Variants in NUP93 observed in about 807,000 individuals in gnomAD.
NUP93 encodes nucleoporin 93.
A neutral mutation model predicts 107.8 loss-of-function variants in NUP93; 55 were observed. That is an observed-to-expected ratio of 0.51 (90% CI 0.41 to 0.64). NUP93 has a LOEUF of 0.64. Among genes scored for constraint, NUP93 ranks in the 30% least tolerant of loss-of-function variants. NUP93 has a pLI of 0.00. For synonymous variants in NUP93, 390 were observed against 397.5 expected (o/e 0.98, Z 0.22); for missense variants, 937 against 1,044.7 (o/e 0.90, Z 1.42).
rs1338900633 is a variant in NUP93, at chr16:56,833,255, C to T, written c.1386C>T (p.Tyr462=). 2 of 1,606,360 alleles carry T rather than the reference C, an allele frequency of 1.2e-6. No individual in the cohort carries two copies. ...HFTVNQQPFL[Y]FQVLFLTAQF... ...CGGTGAACCAGCAACCCTTCCTCTACTTCCAAGTCCTGTTCCTGACAGCGC... is the reference window on the plus strand; with the variant it reads ...CGGTGAACCAGCAACCCTTCCTCTATTTCCAAGTCCTGTTCCTGACAGCGC... Residue 462 remains tyrosine (Y), a synonymous_variant, in exon 13 of 22, where the codon TAC becomes TAT. Coordinates refer to ENST00000308159, the MANE Select transcript of NUP93 (RefSeq NM_014669.5).
chr16:56,777,381 T>C (rs1337784378), intron 3 of NUP93, among the ~76,000 whole-genome samples: 3 of 152,238 alleles, frequency 2.0e-5, no homozygotes, highest in Non-Finnish European at 4.4e-5. Flanking sequence ...CAGGAACTTA[T>C]TAGCTGGGAA....
At chr16:56,807,361 A>G (rs1345220568) in intron 5 of NUP93, among the ~76,000 whole-genome samples, 1 of 152,196 alleles carries the variant, frequency 6.6e-6, no homozygotes, top group Non-Finnish European at 1.5e-5. Flanking sequence ...AACACTTTGC[A>G]TATCCCCTTC....
intron 2 of NUP93, among the ~76,000 whole-genome samples, chr16:56,752,253 T>A (rs983637822): frequency 6.6e-6 from 1 of 152,146 alleles, no homozygotes; most frequent in Admixed American, 6.5e-5. Context: ...AAGGATATAC[T>A]GGTAAAAAAC....
Position 56,834,449 on chromosome 16 carries a change from G to A in NUP93, c.1737+7G>A. 6.2e-7 allele frequency: 1 copy of A among 1,613,992 alleles called. No individual in the cohort carries two copies. The highest frequency in any genetic ancestry group is 8.5e-7 in the Non-Finnish European group (1 of 1,179,880). Reference sequence around the variant, plus strand: ...TGTGATTGAAAGCCGAGAGGTGAGTGGGTTTCCTTTTCTCTCCTCCCCATG... The same window carrying A: ...TGTGATTGAAAGCCGAGAGGTGAGTAGGTTTCCTTTTCTCTCCTCCCCATG... On this transcript the variant is annotated splice_region_variant and intron_variant, in intron 15 of 21. Transcript: ENST00000308159.
At chr16:56,835,768 G>A (rs1232631195) in intron 16 of NUP93, among the ~76,000 whole-genome samples, 1 of 152,164 alleles carries the variant, frequency 6.6e-6, no homozygotes, top group African/African-American at 2.4e-5. Context: ...GGTGCCTAAG[G>A]CCTCTCTCAT....
intron 6 of NUP93, among the ~76,000 whole-genome samples, chr16:56,821,000 T>G (rs1349760038): frequency 1.3e-5 from 2 of 152,154 alleles, no homozygotes; most frequent in Non-Finnish European, 2.9e-5. Flanking sequence ...TTAAGAAAAT[T>G]TTACCTGAAG....
In NUP93 at chr16:56,828,854, G is replaced by T. The variant is rs78243852; in HGVS notation, c.795-123G>T. On this transcript the variant is annotated intron_variant, in intron 8 of 21. Coordinates refer to ENST00000308159, the MANE Select transcript of NUP93 (RefSeq NM_014669.5). ...TTAAGCATGTACTATTTCCTCTTCT[G>T]CATTGAGCTTGAAGTCTAGGCCCTG... 21,070 of 912,010 alleles carry T rather than the reference G, an allele frequency of 0.023. 345 individuals are homozygous for T. Among genetic ancestry groups the T allele is most frequent in the South Asian group, 0.056 (3,670 of 65,080 alleles). 56.5% of individuals were successfully genotyped at this position (912,010 alleles called of 1,614,324 possible).
At chr16:56,772,297 A>G (rs1962336707) in intron 3 of NUP93, among the ~76,000 whole-genome samples, 1 of 152,198 alleles carries the variant, frequency 6.6e-6, no homozygotes, top group African/African-American at 2.4e-5. Flanking sequence ...GCTTGGCAGT[A>G]TGCACCCACC....
chr16:56,753,074 G>A (rs184757721), intron 2 of NUP93, among the ~76,000 whole-genome samples: 7 of 152,238 alleles, frequency 4.6e-5, no homozygotes, highest in African/African-American at 9.6e-5. Flanking sequence ...ATGAGTTTAT[G>A]TACTAAAACA....
At chr16:56,743,861 G>A (rs1354383267) in intron 1 of NUP93, among the ~76,000 whole-genome samples, 7 of 152,150 alleles carry the variant, frequency 4.6e-5, no homozygotes, top group Non-Finnish European at 1.0e-4. Flanking sequence ...TTCTGTGGAG[G>A]CTCAGTAGCA....
intron 3 of NUP93, among the ~76,000 whole-genome samples, chr16:56,784,571 ATACTGT>A (rs1248115445): frequency 6.6e-6 from 1 of 152,174 alleles, no homozygotes; most frequent in Non-Finnish European, 1.5e-5. Context: ...TTGTTCCTTT[ATACTGT>A]TACTAAGAGG....
chr16:56,747,065 T>A (rs563298597), intron 1 of NUP93, among the ~76,000 whole-genome samples: 1 of 152,102 alleles, frequency 6.6e-6, no homozygotes, highest in Admixed American at 6.5e-5. Context: ...TGGTGTGATC[T>A]TGGCTCACTG....
At chr16:56,811,197 A>T (rs1963308625) in intron 5 of NUP93, among the ~76,000 whole-genome samples, 1 of 152,196 alleles carries the variant, frequency 6.6e-6, no homozygotes. Context: ...CTGTTTTCCA[A>T]AATGGTTATA....
chr16:56,839,448 C>T (rs1963977955), intron 19 of NUP93, 73 bp from the exon 20 acceptor site: 4 of 1,238,980 alleles, frequency 3.2e-6, no homozygotes, highest in Non-Finnish European at 4.5e-6. Flanking sequence ...ATGTGAGGTG[C>T]TGACTTTACA....
intron 4 of NUP93, 40 bp from the exon 5 acceptor site, chr16:56,805,464 T>C: frequency 6.2e-7 from 1 of 1,606,450 alleles, no homozygotes; most frequent in Non-Finnish European, 8.5e-7. Flanking sequence ...TTTTTTTGTT[T>C]TTTTCCTGAG....
At chr16:56,826,245 C>T (rs1172304609) in intron 8 of NUP93, among the ~76,000 whole-genome samples, 2 of 152,228 alleles carry the variant, frequency 1.3e-5, no homozygotes, top group Non-Finnish European at 2.9e-5. Context: ...GGCGCAGTGG[C>T]TCACACCTGT....
chr16:56,836,675 A>G lies in NUP93; in HGVS notation c.1857A>G (p.Lys619=), dbSNP rs1007340533. The change falls in exon 17 of 22, where the codon AAA becomes AAG. Residue 619 remains lysine, a synonymous_variant. Coordinates refer to ENST00000308159, the MANE Select transcript of NUP93 (RefSeq NM_014669.5). ...AAGTTGCTTCTGTGGCAGAAAATAA[A>G]GGACTGTTTGAAGAGGCAGCAAAGC... ...INKVASVAEN[K]GLFEEAAKLY... 1.7e-5 allele frequency: 28 copies of G among 1,614,120 alleles called. No homozygotes were observed. The highest frequency in any genetic ancestry group is 2.4e-5 in the Non-Finnish European group (28 of 1,179,950).
chr16:56,785,735 C>G (rs577485883), intron 3 of NUP93, among the ~76,000 whole-genome samples: 4 of 152,258 alleles, frequency 2.6e-5, no homozygotes, highest in Non-Finnish European at 4.4e-5. Context: ...CCTTTAGGAG[C>G]ACTGCCTTGC....
At chr16:56,826,710 T>TC (rs2144620497) in intron 8 of NUP93, among the ~76,000 whole-genome samples, 1 of 151,986 alleles carries the variant, frequency 6.6e-6, no homozygotes, top group South Asian at 2.1e-4. Flanking sequence ...ATTTCTTTTT[T>TC]CCCCCCGTTC....
Sources: gnomAD v4.1 joint callset for allele counts (sites outside exome capture counted in the v4.1 genomes callset) on GRCh38, gnomAD v4.1.1 for gene constraint, MANE v1.5 for transcripts, NCBI Gene and HGNC (gene_info 2026-07-23, HGNC 2026-07-21) for gene names.